The following CLDN14 variants were observed in gnomAD, a reference collection of about 807,000 sequenced individuals.
CLDN14 encodes claudin-14.
Under a neutral mutation model 2.1 loss-of-function variants are expected in CLDN14, and 2 were observed. The observed-to-expected ratio is 0.96, with a 90% CI of 0.39 to 3.01. The LOEUF is 3.01. CLDN14 is among the 30% of genes most tolerant of loss of function. The pLI, the probability that CLDN14 is intolerant of heterozygous loss-of-function variation, is 0.09. For synonymous variants in CLDN14, 136 were observed against 154.4 expected (o/e 0.88, Z 0.88); for missense variants, 298 against 328.0 (o/e 0.91, Z 0.71).
chr21:36,545,126 T>G (rs1393870669), intron 1 of CLDN14, among the ~76,000 whole-genome samples: 1 of 152,248 alleles, frequency 6.6e-6, no homozygotes, highest in Non-Finnish European at 1.5e-5. Flanking sequence ...CTCTTGCCTT[T>G]CTGTGACTCT....
intron 2 of CLDN14, among the ~76,000 whole-genome samples, chr21:36,489,092 A>T (rs2086930481): frequency 7.2e-6 from 1 of 139,110 alleles, no homozygotes. Flanking sequence ...CCTGGGCAAC[A>T]GAGTGAGTGA....
rs575449263 is a variant in CLDN14, at chr21:36,474,841, A to G, written c.-82+4654T>C. ...GAGAGACCAGCTCTGACCAGCATGC[A>G]GAGAACTCACTCCAGAACGGGAGGG... On this transcript the variant is annotated intron_variant, in intron 1 of 1. Transcript: ENST00000399135. Among the ~76,000 whole-genome samples, 6 of 152,216 alleles carry G rather than the reference A, an allele frequency of 3.9e-5. No homozygotes were observed. The South Asian group carries it at 1.0e-3, about 26-fold the overall frequency.
At chr21:36,489,131 A>AAAAAAATATATATATATATATATATATAT in intron 2 of CLDN14, among the ~76,000 whole-genome samples, 1 of 62,736 alleles carries the variant, frequency 1.6e-5, no homozygotes, top group Non-Finnish European at 3.0e-5. Context: ...AAAAAAAAAA[A>AAAAAAATATATATATATATATATATATAT]ATATATATAT....
chr21:36,572,341 CATGAGAGTA>C (rs1204378436), intron 1 of CLDN14, among the ~76,000 whole-genome samples: 1 of 152,120 alleles, frequency 6.6e-6, no homozygotes, highest in African/African-American at 2.4e-5. Flanking sequence ...AGCCTTCTGT[CATGAGAGTA>C]ATGTGACCCT....
chr21:36,523,089 C>A (rs2087284483), intron 1 of CLDN14, among the ~76,000 whole-genome samples: 1 of 152,178 alleles, frequency 6.6e-6, no homozygotes, highest in Non-Finnish European at 1.5e-5. Context: ...TGGCTGGACC[C>A]TTCCTGATCC....
intron 1 of CLDN14, among the ~76,000 whole-genome samples, chr21:36,475,427 C>T (rs192463128): frequency 5.9e-5 from 9 of 152,312 alleles, no homozygotes; most frequent in South Asian, 2.1e-4. Context: ...TAAAAAGATC[C>T]GGATGCCCTG....
intron 1 of CLDN14, among the ~76,000 whole-genome samples, chr21:36,556,726 T>A (rs1334899200): frequency 6.6e-6 from 1 of 152,218 alleles, no homozygotes; most frequent in Non-Finnish European, 1.5e-5. Flanking sequence ...ACCAATGGAA[T>A]TGCATTTCCT....
rs567921013 is a variant in CLDN14, at chr21:36,553,788, A to C, written c.-220+22623T>G. On this transcript the variant is annotated intron_variant, in intron 1 of 2. Coordinates refer to the CLDN14 transcript ENST00000342108. ...TCTTACTCCCCTTTATGGTGAGGACAACTGTGTGTGAGATGAGGGATGAGG... is the reference window on the plus strand; with the variant it reads ...TCTTACTCCCCTTTATGGTGAGGACCACTGTGTGTGAGATGAGGGATGAGG... 6.6e-5 allele frequency among the ~76,000 whole-genome samples: 10 copies of C among 152,208 alleles called. No homozygotes were observed. The South Asian group carries it at 2.1e-3, about 32-fold the overall frequency.
chr21:36,573,963 A>G (rs1312926428), intron 1 of CLDN14, among the ~76,000 whole-genome samples: 1 of 152,190 alleles, frequency 6.6e-6, no homozygotes, highest in Non-Finnish European at 1.5e-5. Flanking sequence ...TGGAAGACTT[A>G]ATATTGTTAA....
chr21:36,523,781 G>GAGAAAGAAAGAAAGAAAGAAAGAA (rs56772352), intron 1 of CLDN14, among the ~76,000 whole-genome samples: 28 of 38,244 alleles, frequency 7.3e-4, no homozygotes, highest in South Asian at 2.2e-3. Context: ...GAGAGAAAGA[G>GAGAAAGAAAGAAAGAAAGAAAGAA]AGAAAGAAAG....
chr21:36,489,545 A>C (rs2086939824), intron 2 of CLDN14, among the ~76,000 whole-genome samples: 1 of 152,196 alleles, frequency 6.6e-6, no homozygotes, highest in East Asian at 1.9e-4. Context: ...CTCAGCTCTC[A>C]CGGGACGAGG....
At chr21:36,464,904 T>C (rs901956030) in intron 1 of CLDN14, among the ~76,000 whole-genome samples, 121 of 152,316 alleles carry the variant, frequency 7.9e-4, no homozygotes, top group African/African-American at 2.6e-3. Flanking sequence ...GACATAGGAC[T>C]GAAGTTAGTG....
At chr21:36,483,916 G>A (rs2086870612), upstream of CLDN14, among the ~76,000 whole-genome samples, 1 of 152,154 alleles carries the variant, frequency 6.6e-6, no homozygotes, top group Admixed American at 6.5e-5. Context: ...TAGGCCAATT[G>A]CAATAAAGAA....
At chr21:36,486,055 G>A (rs770082934) in intron 2 of CLDN14, 63 of 1,412,726 alleles carry the variant, frequency 4.5e-5, no homozygotes, top group African/African-American at 3.3e-4. Context: ...AGCCCACAGC[G>A]TTTCAAATGG....
chr21:36,491,623 C>T (rs1054891227), intron 2 of CLDN14, among the ~76,000 whole-genome samples: 1 of 152,016 alleles, frequency 6.6e-6, no homozygotes, highest in Non-Finnish European at 1.5e-5. Flanking sequence ...CTTTTTGGAA[C>T]AAGGAGGGGT....
At chr21:36,469,537 G>A (rs2086684842) in intron 1 of CLDN14, among the ~76,000 whole-genome samples, 1 of 152,152 alleles carries the variant, frequency 6.6e-6, no homozygotes, top group African/African-American at 2.4e-5. Flanking sequence ...AAAATCACAC[G>A]GAAATGACAC....
chr21:36,557,006 A>C (rs1389801118), intron 1 of CLDN14, among the ~76,000 whole-genome samples: 1 of 152,132 alleles, frequency 6.6e-6, no homozygotes, highest in Non-Finnish European at 1.5e-5. Context: ...TGTGAGTTTC[A>C]CTATTTTTGC....
At chr21:36,533,788 G>A (rs955428774) in intron 1 of CLDN14, among the ~76,000 whole-genome samples, 5 of 152,158 alleles carry the variant, frequency 3.3e-5, no homozygotes, top group African/African-American at 1.2e-4. Context: ...GGAGCTAAAT[G>A]ATGAGAACAC....
chr21:36,487,003 G>C (rs185568758), intron 2 of CLDN14: 4,052 of 265,074 alleles, frequency 0.015, 180 homozygotes, highest in African/African-American at 0.11. Flanking sequence ...TTTTTTTTTT[G>C]AGACTGAGTC....
Sources: gnomAD v4.1 joint callset for allele counts (sites outside exome capture counted in the v4.1 genomes callset) on GRCh38, gnomAD v4.1.1 for gene constraint, MANE v1.5 for transcripts, NCBI Gene and HGNC (gene_info 2026-07-23, HGNC 2026-07-21) for gene names.